ACOXL: variants seen among roughly 807,000 people sequenced by gnomAD.
ACOXL encodes acyl-CoA oxidase like.
ACOXL carries 70 observed loss-of-function variants against 71.9 expected under a neutral mutation model. The observed-to-expected ratio is 0.97, with a 90% CI of 0.80 to 1.19. ACOXL has a LOEUF of 1.19. ACOXL is among the 50% of genes most tolerant of loss of function. ACOXL has a pLI of 0.00. For missense variants in ACOXL, 703 were observed against 736.3 expected (o/e 0.95, Z 0.52); for synonymous variants, 253 against 281.6 (o/e 0.90, Z 1.02).
intron 17 of ACOXL, among the ~76,000 whole-genome samples, chr2:111,110,337 G>C (rs2069857139): frequency 1.3e-5 from 2 of 152,106 alleles, no homozygotes; most frequent in African/African-American, 2.4e-5. Flanking sequence ...TTCAGAGTTT[G>C]AGCTGTGAAA....
Position 110,735,419 on chromosome 2 carries a change from G to GTGAGTGC in ACOXL, c.-23+2648_-23+2654dup, listed in dbSNP as rs1237828000. On this transcript the variant is annotated intron_variant, in intron 1 of 17. Transcript: ENST00000439055. ...GGGAGAGGGTTGTGGCAGCGTAGTG[G>GTGAGTGC]TGAGTGCTGTGTGTACATAGTGAGA... Among the ~76,000 whole-genome samples, 3 of 152,308 alleles carry GTGAGTGC rather than the reference G, an allele frequency of 2.0e-5. No homozygotes were observed. In the East Asian group the frequency reaches 5.8e-4, roughly 29 times the overall value.
At chr2:110,744,163 A>AC (rs1677894839) in intron 1 of ACOXL, among the ~76,000 whole-genome samples, 2 of 152,354 alleles carry the variant, frequency 1.3e-5, no homozygotes, top group South Asian at 2.1e-4. Flanking sequence ...AACGAGGGAA[A>AC]GAGTGCAAGA....
chr2:110,780,516 A>T (rs966929893), intron 2 of ACOXL, among the ~76,000 whole-genome samples: 1 of 152,234 alleles, frequency 6.6e-6, no homozygotes, highest in African/African-American at 2.4e-5. Flanking sequence ...CTTTGTTCAT[A>T]AGAGCCTGAA....
At chr2:110,770,937 T>G (rs1681837100) in intron 2 of ACOXL, among the ~76,000 whole-genome samples, 1 of 152,226 alleles carries the variant, frequency 6.6e-6, no homozygotes, top group Non-Finnish European at 1.5e-5. Flanking sequence ...GTAATCTCGC[T>G]CCTGATGAAG....
intron 12 of ACOXL, chr2:110,968,612 A>G (rs2062037935): frequency 1.1e-6 from 1 of 926,614 alleles, no homozygotes; most frequent in African/African-American, 1.7e-5. Flanking sequence ...GAAAGAAGTT[A>G]AAAAGAAGAG....
chr2:110,756,957 A>G (rs1389329800), intron 1 of ACOXL, among the ~76,000 whole-genome samples: 1 of 152,030 alleles, frequency 6.6e-6, no homozygotes, highest in Non-Finnish European at 1.5e-5. Flanking sequence ...TACATAGGTA[A>G]ACGTGGGCCG....
chr2:111,057,227 G>A (rs1384236995), intron 16 of ACOXL, among the ~76,000 whole-genome samples: 1 of 152,196 alleles, frequency 6.6e-6, no homozygotes. Flanking sequence ...GATGTGACAC[G>A]TTGTGTTCTG....
At chr2:110,742,061 GA>G (rs1231334063) in intron 1 of ACOXL, among the ~76,000 whole-genome samples, 1 of 152,218 alleles carries the variant, frequency 6.6e-6, no homozygotes, top group Non-Finnish European at 1.5e-5. Flanking sequence ...TTCAGTCCTG[GA>G]AGGAAACAGC....
chr2:110,831,499 C>T (rs773756808), intron 9 of ACOXL, among the ~76,000 whole-genome samples: 39 of 152,170 alleles, frequency 2.6e-4, no homozygotes, highest in African/African-American at 9.2e-4. Context: ...CATTGGAAGA[C>T]TCCACATGAT....
intron 10 of ACOXL, among the ~76,000 whole-genome samples, chr2:110,855,285 C>A (rs908889242): frequency 6.6e-6 from 1 of 152,182 alleles, no homozygotes; most frequent in African/African-American, 2.4e-5. Context: ...ATTGCTTAAA[C>A]GCTTCCTCAT....
chr2:110,849,982 A>G (rs1269756541), intron 10 of ACOXL, among the ~76,000 whole-genome samples: 2 of 152,228 alleles, frequency 1.3e-5, no homozygotes, highest in African/African-American at 4.8e-5. Context: ...TGGATTTTCA[A>G]CAAAGGCGCC....
At chr2:111,084,089 G>C (rs956260208) in intron 16 of ACOXL, among the ~76,000 whole-genome samples, 1 of 152,118 alleles carries the variant, frequency 6.6e-6, no homozygotes, top group African/African-American at 2.4e-5. Context: ...CACTTTGGGA[G>C]GCCAAGGGGG....
intron 10 of ACOXL, among the ~76,000 whole-genome samples, chr2:110,853,919 T>G (rs1414995263): frequency 6.6e-6 from 1 of 152,152 alleles, no homozygotes; most frequent in Non-Finnish European, 1.5e-5. Flanking sequence ...ACTTGTTTTT[T>G]TTTTTTTTTT....
chr2:111,021,503 G>A (rs1345907016), intron 14 of ACOXL, among the ~76,000 whole-genome samples: 4 of 152,144 alleles, frequency 2.6e-5, no homozygotes, highest in African/African-American at 7.2e-5. Context: ...TCTCATCTCA[G>A]AAGCCACCAG....
intron 14 of ACOXL, among the ~76,000 whole-genome samples, chr2:111,018,855 G>A (rs371107793): frequency 6.6e-6 from 1 of 152,100 alleles, no homozygotes; most frequent in East Asian, 1.9e-4. Context: ...CACTTCCCTT[G>A]CCAGTCCCTT....
At chr2:110,737,306 A>G (rs1282477045) in intron 1 of ACOXL, among the ~76,000 whole-genome samples, 2 of 152,116 alleles carry the variant, frequency 1.3e-5, no homozygotes, top group African/African-American at 2.4e-5. Context: ...CATATTCCTA[A>G]GTAACATGTC....
At chr2:110,973,824 G>C (rs1405673286) in intron 12 of ACOXL, among the ~76,000 whole-genome samples, 2 of 152,184 alleles carry the variant, frequency 1.3e-5, no homozygotes, top group African/African-American at 2.4e-5. Flanking sequence ...TACAGTAATA[G>C]CATCTGCCAC....
intron 12 of ACOXL, among the ~76,000 whole-genome samples, chr2:110,977,663 T>A (rs1246735708): frequency 1.3e-5 from 2 of 152,176 alleles, no homozygotes; most frequent in Non-Finnish European, 2.9e-5. Context: ...ATCTAAATAT[T>A]TACATTGTTC....
chr2:111,092,035 A>T (rs1360199751), intron 16 of ACOXL, among the ~76,000 whole-genome samples: 1 of 152,190 alleles, frequency 6.6e-6, no homozygotes, highest in Non-Finnish European at 1.5e-5. Flanking sequence ...TTTTGAGGCT[A>T]TCTTACTTCT....
Sources: gnomAD v4.1 joint callset for allele counts (sites outside exome capture counted in the v4.1 genomes callset) on GRCh38, gnomAD v4.1.1 for gene constraint, MANE v1.5 for transcripts, NCBI Gene and HGNC (gene_info 2026-07-23, HGNC 2026-07-21) for gene names.